PAPPA: variants seen among roughly 807,000 people sequenced by gnomAD.
PAPPA encodes the protein pappalysin-1.
PAPPA carries 60 observed loss-of-function variants against 164.0 expected under a neutral mutation model. The observed-to-expected ratio is 0.37, with a 90% CI of 0.30 to 0.45. The LOEUF is 0.45. PAPPA is among the 20% of genes least tolerant of loss of function. PAPPA has a pLI of 1.00. For missense variants in PAPPA, 1,782 were observed against 2,087.3 expected (o/e 0.85, Z 2.85); for synonymous variants, 875 against 814.1 (o/e 1.07, Z -1.27).
chr9:116,252,307 A>G (rs141618496), intron 7 of PAPPA, among the ~76,000 whole-genome samples: 29 of 152,354 alleles, frequency 1.9e-4, no homozygotes, highest in African/African-American at 6.0e-4. Context: ...CAAATGCCCA[A>G]TGGAGTCTCA....
chr9:116,318,489 A>G (rs1342302466), intron 10 of PAPPA: 1 of 152,156 alleles, frequency 6.6e-6, no homozygotes, highest in Non-Finnish European at 1.5e-5. Flanking sequence ...AGAAAAAAAA[A>G]AGATGCTTTC....
At chr9:116,362,344 T>C (rs1217711020) in intron 17 of PAPPA, among the ~76,000 whole-genome samples, 2 of 152,188 alleles carry the variant, frequency 1.3e-5, no homozygotes, top group Non-Finnish European at 2.9e-5. Flanking sequence ...CTTGGGAGTT[T>C]GGCATTCTGG....
At chr9:116,236,605 A>T (rs1053428783) in intron 7 of PAPPA, among the ~76,000 whole-genome samples, 8 of 151,632 alleles carry the variant, frequency 5.3e-5, no homozygotes, top group African/African-American at 1.9e-4. Flanking sequence ...AAAAAAAAAA[A>T]ATTACTCACT....
At chr9:116,237,938 T>C (rs1156723721) in intron 7 of PAPPA, among the ~76,000 whole-genome samples, 1 of 152,052 alleles carries the variant, frequency 6.6e-6, no homozygotes, top group African/African-American at 2.4e-5. Context: ...CAGGCTGGTC[T>C]GAGAACTCCT....
At chr9:116,310,557 T>G (rs961346023) in intron 10 of PAPPA, among the ~76,000 whole-genome samples, 2 of 152,202 alleles carry the variant, frequency 1.3e-5, no homozygotes, top group African/African-American at 4.8e-5. Context: ...CCCCCAAAAC[T>G]TTCATGGAAA....
At chr9:116,246,473 A>C (rs1156265693) in intron 7 of PAPPA, among the ~76,000 whole-genome samples, 2 of 152,224 alleles carry the variant, frequency 1.3e-5, no homozygotes, top group Non-Finnish European at 2.9e-5. Flanking sequence ...TTTTATTATT[A>C]GTTCCACTTT....
intron 9 of PAPPA, among the ~76,000 whole-genome samples, chr9:116,301,728 G>C (rs887826667): frequency 6.6e-6 from 1 of 152,194 alleles, no homozygotes; most frequent in Admixed American, 6.5e-5. Flanking sequence ...ATGGGAGCTT[G>C]AGAATTCACT....
Position 116,185,549 on chromosome 9 carries a change from A to T in PAPPA, c.416-1605A>T, listed in dbSNP as rs938569015. On this transcript the variant is annotated intron_variant, in intron 1 of 21. Transcript: ENST00000328252. Reference sequence around the variant, plus strand: ...AACAATTCTCCAGCTGAGAGTAGTCACTGTCCTTCTAAATGAGCATCTTTT... The same window carrying T: ...AACAATTCTCCAGCTGAGAGTAGTCTCTGTCCTTCTAAATGAGCATCTTTT... Among the ~76,000 whole-genome samples the T allele has an allele frequency of 2.6e-5, 4 of 152,158 alleles. No homozygotes were observed. The South Asian group carries it at 8.3e-4, about 32-fold the overall frequency.
chr9:116,194,728 T>C (rs1844083489), intron 2 of PAPPA, among the ~76,000 whole-genome samples: 1 of 152,164 alleles, frequency 6.6e-6, no homozygotes, highest in South Asian at 2.1e-4. Context: ...GCCTGGCACA[T>C]GGTAGGTGAT....
At chr9:116,302,145 A>G (rs1434311204) in intron 9 of PAPPA, among the ~76,000 whole-genome samples, 1 of 152,138 alleles carries the variant, frequency 6.6e-6, no homozygotes, top group Non-Finnish European at 1.5e-5. Flanking sequence ...CCTCATCTGG[A>G]AGAATAATAT....
intron 2 of PAPPA, among the ~76,000 whole-genome samples, chr9:116,196,919 T>C (rs567305935): frequency 6.6e-6 from 1 of 152,206 alleles, no homozygotes; most frequent in Non-Finnish European, 1.5e-5. Context: ...TTCTAACTAC[T>C]GAACTATTTT....
chr9:116,402,259 A>G lies in PAPPA; in HGVS notation c.*5643A>G, dbSNP rs1267439971. 1.3e-5 allele frequency: 2 copies of G among 152,578 alleles called. No homozygotes were observed. Among genetic ancestry groups the G allele is most frequent in the African/African-American group, 4.8e-5 (2 of 41,440 alleles). 9.5% of individuals were successfully genotyped at this position (152,578 alleles called of 1,614,324 possible). A position where few individuals can be genotyped will look rare whatever the true frequency, so the allele number is the denominator to read the frequency against. ...ATGTCAGAGACAGAAATATTTTGCC[A>G]CTGTTGATTACTATACTTTAAAGTT... is the stretch of plus-strand genomic sequence containing the variant. On this transcript the variant is annotated 3_prime_UTR_variant, in exon 22 of 22. Transcript: ENST00000328252.
intron 1 of PAPPA, among the ~76,000 whole-genome samples, chr9:116,177,767 C>T (rs1843854425): frequency 1.3e-5 from 2 of 152,148 alleles, no homozygotes; most frequent in South Asian, 4.1e-4. Context: ...CAACATCAGC[C>T]CTCCTTAGTC....
intron 1 of PAPPA, among the ~76,000 whole-genome samples, chr9:116,175,862 T>C (rs913960641): frequency 6.6e-6 from 1 of 152,110 alleles, no homozygotes; most frequent in Non-Finnish European, 1.5e-5. Context: ...GAAAAAAAAT[T>C]AGATCAACAA....
intron 9 of PAPPA, among the ~76,000 whole-genome samples, chr9:116,279,529 C>G (rs867933995): frequency 6.6e-6 from 1 of 151,970 alleles, no homozygotes; most frequent in Admixed American, 6.6e-5. Context: ...AATTCTAGCC[C>G]GCAGCCCAGG....
chr9:116,241,421 G>A (rs557496488), intron 7 of PAPPA, among the ~76,000 whole-genome samples: 2 of 152,176 alleles, frequency 1.3e-5, no homozygotes, highest in Non-Finnish European at 2.9e-5. Context: ...CATTTGAACA[G>A]AAACCAGAAG....
At position 116,235,160 on chromosome 9, in the gene PAPPA, C is replaced by G. The variant is rs766028386; in HGVS notation, c.2255C>G (p.Pro752Arg). ...EAEGHPDVEQPCKSSVRTWSP... is the reference protein window; with the variant it reads ...EAEGHPDVEQRCKSSVRTWSP... ...ATAGGTCATCCTGATGTTGAACAGC[C>G]CTGTAAGTCCAGTGTCCGCACCTGG... Residue 752 changes from proline (P) to arginine (R), a missense_variant, in exon 7 of 22, where the codon CCC (proline) becomes CGC (arginine). By Grantham distance (103) the Pro-to-Arg change is moderately radical (BLOSUM62 -2). This residue lies in a region of PAPPA where 1,324 missense variants were observed against 1,656.9 expected (regional missense o/e 0.80). Transcript: ENST00000328252. 5.0e-6 allele frequency: 8 copies of G among 1,614,084 alleles called. No individual in the cohort carries two copies. Among genetic ancestry groups the G allele is most frequent in the South Asian group, 2.2e-5 (2 of 91,080 alleles).
intron 19 of PAPPA, among the ~76,000 whole-genome samples, chr9:116,374,175 GAT>G (rs1564246727): frequency 2.2e-4 from 26 of 117,714 alleles, no homozygotes; most frequent in South Asian, 9.8e-4. Context: ...TGGTGTTGAT[GAT>G]GATGATGGTG....
intron 19 of PAPPA, among the ~76,000 whole-genome samples, chr9:116,370,974 G>C (rs1445588602): frequency 6.6e-6 from 1 of 152,104 alleles, no homozygotes; most frequent in Non-Finnish European, 1.5e-5. Flanking sequence ...GTATGTCCTG[G>C]AGCAAATCCT....
Sources: allele counts gnomAD v4.1 joint callset (sites outside exome capture counted in the v4.1 genomes callset), GRCh38; gene constraint gnomAD v4.1.1; regional missense constraint gnomAD v4.1.1; transcripts MANE v1.5; gene names NCBI Gene and HGNC (gene_info 2026-07-23, HGNC 2026-07-21).